TTC17: variants seen among roughly 807,000 people sequenced by gnomAD.
The protein encoded by TTC17 is tetratricopeptide repeat domain 17, also known as tetratricopeptide repeat protein 17.
Under a neutral mutation model 143.8 loss-of-function variants are expected in TTC17, and 58 were observed. The ratio of observed to expected loss-of-function variants is 0.40; its 90% CI spans 0.33 to 0.50. The LOEUF (loss-of-function observed/expected upper bound fraction) is 0.50. Ranked by LOEUF, TTC17 falls within the 20% of genes least tolerant of loss-of-function variation. The pLI, the probability that TTC17 is intolerant of heterozygous loss-of-function variation, is 0.49. For synonymous variants in TTC17, 501 were observed against 497.8 expected, an observed-to-expected ratio of 1.01 and a Z score of -0.09; for missense variants, 1,273 against 1,392.5, an observed-to-expected ratio of 0.91 and a Z score of 1.37.
At chr11:43,479,240 A>C (rs532538968) in intron 21 of TTC17, among the ~76,000 whole-genome samples, 1 of 127,290 alleles carries the variant, frequency 7.9e-6, no homozygotes, top group African/African-American at 2.6e-5. Context: ...ACTCCATCTC[A>C]AAAAAAGAAA....
chr11:43,447,358 G>A (rs1418262313), intron 18 of TTC17, among the ~76,000 whole-genome samples: 2 of 152,190 alleles, frequency 1.3e-5, no homozygotes, highest in Non-Finnish European at 2.9e-5. Context: ...GACTGTGGTG[G>A]TGTGGTGGGG....
At chr11:43,483,071 A>G (rs1376744412) in intron 21 of TTC17, among the ~76,000 whole-genome samples, 4 of 152,188 alleles carry the variant, frequency 2.6e-5, no homozygotes, top group Admixed American at 2.0e-4. Context: ...CTTTATGCCA[A>G]TAAATTTGAA....
At position 43,401,465 on chromosome 11, in the gene TTC17, A is replaced by G; in HGVS notation, c.1239A>G (p.Arg413=). Residue 413 remains arginine (R), a synonymous_variant, in exon 10 of 24, where the codon CGA becomes CGG. Coordinates refer to ENST00000039989, the MANE Select transcript of TTC17 (RefSeq NM_018259.6). ...EAQLGNHQIC[R]LVNQQHSLHC... is the part of the protein sequence containing the mutation. ...TTCCAGGAAATCATCAGATATGCCGACTGGTCAACCAGCAGCATAGTTTAC... is the reference window on the plus strand; with the variant it reads ...TTCCAGGAAATCATCAGATATGCCGGCTGGTCAACCAGCAGCATAGTTTAC... 11 of 1,612,182 alleles carry G rather than the reference A, an allele frequency of 6.8e-6. No individual in the cohort carries two copies. The highest frequency in any genetic ancestry group is 8.5e-6 in the Non-Finnish European group (10 of 1,179,270).
At chr11:43,450,724 A>G (rs927192783) in intron 20 of TTC17, among the ~76,000 whole-genome samples, 1 of 152,214 alleles carries the variant, frequency 6.6e-6, no homozygotes, top group East Asian at 1.9e-4. Flanking sequence ...ATATAGAAAT[A>G]TTCTTATTGA....
At chr11:43,395,772 T>C (rs1359977996) in intron 5 of TTC17, among the ~76,000 whole-genome samples, 1 of 151,982 alleles carries the variant, frequency 6.6e-6, no homozygotes, top group Non-Finnish European at 1.5e-5. Context: ...AATAACTCTT[T>C]TAAAAATAAT....
At chr11:43,463,406 GCATACAAAATAAAAATAT>G (rs1428801447) in intron 21 of TTC17, among the ~76,000 whole-genome samples, 7 of 151,618 alleles carry the variant, frequency 4.6e-5, no homozygotes, top group African/African-American at 1.7e-4. Context: ...AATAAAAATA[GCATACAAAATAAAAATAT>G]CATACAAAAA....
intron 5 of TTC17, among the ~76,000 whole-genome samples, chr11:43,395,747 T>G (rs1857563959): frequency 6.6e-6 from 1 of 152,230 alleles, no homozygotes; most frequent in Non-Finnish European, 1.5e-5. Context: ...TTCAAACTAT[T>G]TTTAACTACA....
intron 1 of TTC17, among the ~76,000 whole-genome samples, chr11:43,376,205 A>C (rs560499787): frequency 1.3e-5 from 2 of 152,306 alleles, no homozygotes; most frequent in Non-Finnish European, 2.9e-5. Context: ...ATGAAATTGA[A>C]TTGCCTTATA....
chr11:43,386,104 A>G lies in TTC17; in HGVS notation c.250-3548A>G, dbSNP rs116145592. ...TTGATTGAATAAATGGGGAAAGGAT[A>G]GACTTTTTATAAATGATATTAGGAA... On this transcript the variant is annotated intron_variant, in intron 2 of 23. Transcript: ENST00000039989. 8.2e-3 allele frequency among the ~76,000 whole-genome samples: 1,254 copies of G among 152,120 alleles called. 16 individuals carry two copies. The highest frequency in any genetic ancestry group is 0.029 in the African/African-American group (1,188 of 41,552).
intron 21 of TTC17, chr11:43,486,314 G>A: frequency 2.8e-6 from 1 of 362,702 alleles, no homozygotes; most frequent in Non-Finnish European, 5.9e-6. Context: ...GTTGGGCTCA[G>A]TCCACACGGG....
At chr11:43,473,351 C>A (rs1302620500) in intron 21 of TTC17, among the ~76,000 whole-genome samples, 1 of 152,052 alleles carries the variant, frequency 6.6e-6, no homozygotes, top group African/African-American at 2.4e-5. Flanking sequence ...TAAAGCAATA[C>A]TTGAGGGAAG....
chr11:43,386,473 G>C (rs1288548366), intron 2 of TTC17, among the ~76,000 whole-genome samples: 1 of 152,152 alleles, frequency 6.6e-6, no homozygotes, highest in East Asian at 1.9e-4. Flanking sequence ...AATCTTATGA[G>C]ACCACTGCTG....
chr11:43,408,211 T>G (rs938445693), intron 15 of TTC17, among the ~76,000 whole-genome samples: 2 of 152,204 alleles, frequency 1.3e-5, no homozygotes, highest in African/African-American at 4.8e-5. Context: ...ATTAAATTGA[T>G]TTTATACCTA....
At chr11:43,454,188 A>G (rs941407347) in intron 21 of TTC17, among the ~76,000 whole-genome samples, 1 of 152,186 alleles carries the variant, frequency 6.6e-6, no homozygotes, top group Non-Finnish European at 1.5e-5. Context: ...GAATTAAAGA[A>G]TGGTACTTCA....
chr11:43,394,400 C>T (rs528247101), intron 5 of TTC17, among the ~76,000 whole-genome samples: 34 of 152,132 alleles, frequency 2.2e-4, no homozygotes, highest in Non-Finnish European at 3.5e-4. Flanking sequence ...GAAGGGGCCA[C>T]AACTGGAAAT....
chr11:43,414,916 A>G (rs961912113), intron 16 of TTC17, 140 bp downstream of exon 16: 3 of 879,318 alleles, frequency 3.4e-6, no homozygotes, highest in Non-Finnish European at 5.1e-6. Flanking sequence ...ATAGGAAAAG[A>G]TGTTAATTCC....
intron 9 of TTC17, among the ~76,000 whole-genome samples, chr11:43,400,475 G>T (rs989963949): frequency 6.6e-6 from 1 of 152,084 alleles, no homozygotes; most frequent in Non-Finnish European, 1.5e-5. Flanking sequence ...TAAAAACTCT[G>T]CACTATGGGT....
chr11:43,420,604 C>G (rs942643245), intron 16 of TTC17, among the ~76,000 whole-genome samples: 1 of 151,992 alleles, frequency 6.6e-6, no homozygotes. Context: ...CAGTATTTTT[C>G]TTTTGGGATT....
intron 21 of TTC17, among the ~76,000 whole-genome samples, chr11:43,464,448 A>T (rs977603719): frequency 6.6e-6 from 1 of 152,174 alleles, no homozygotes; most frequent in African/African-American, 2.4e-5. Flanking sequence ...AATAGACTCA[A>T]AATTCATACA....
Sources: allele counts gnomAD v4.1 joint callset (sites outside exome capture counted in the v4.1 genomes callset), GRCh38; gene constraint gnomAD v4.1.1; transcripts MANE v1.5; gene names NCBI Gene and HGNC (gene_info 2026-07-23, HGNC 2026-07-21).